The following ARHGAP19 variants were observed in gnomAD, a reference collection of about 807,000 sequenced individuals.
The protein encoded by ARHGAP19 is rho GTPase-activating protein 19.
In ARHGAP19, 48 loss-of-function variants were observed where a neutral mutation model predicts 60.9. The ratio of observed to expected loss-of-function variants is 0.79; its 90% CI spans 0.62 to 1.00. The LOEUF (loss-of-function observed/expected upper bound fraction) is 1.00. Among genes scored for constraint, ARHGAP19 ranks in the 50% least tolerant of loss-of-function variants. The pLI is 0.00. For missense variants in ARHGAP19, 562 were observed against 597.2 expected, an observed-to-expected ratio of 0.94 and a Z score of 0.61; for synonymous variants, 209 against 215.5, an observed-to-expected ratio of 0.97 and a Z score of 0.27.
Position 97,238,476 on chromosome 10 carries a change from C to T in ARHGAP19, c.1186-3161G>A, listed in dbSNP as rs942289586. 5.9e-5 allele frequency among the ~76,000 whole-genome samples: 9 copies of T among 152,202 alleles called. No individual in the cohort carries two copies. The South Asian group carries it at 1.9e-3, about 32-fold the overall frequency. On this transcript the variant is annotated intron_variant, in intron 8 of 11. Coordinates refer to ENST00000358531, the MANE Select transcript of ARHGAP19 (RefSeq NM_032900.6). ...AAAGCAGTCCTCCCACTTTGGCCTC[C>T]CAAAGTGCTGGGATTACAGGAGTGA...
intron 8 of ARHGAP19, among the ~76,000 whole-genome samples, chr10:97,243,298 C>G (rs577047942): frequency 6.6e-6 from 1 of 152,264 alleles, no homozygotes; most frequent in South Asian, 2.1e-4. Context: ...GCTGACCCTG[C>G]CTGCTCAGGT....
intron 9 of ARHGAP19, among the ~76,000 whole-genome samples, chr10:97,230,735 T>C (rs1202307783): frequency 3.3e-5 from 5 of 152,024 alleles, no homozygotes; most frequent in African/African-American, 1.2e-4. Flanking sequence ...GGCTAGATGG[T>C]CAATTATACC....
At chr10:97,279,670 T>A (rs965472269) in intron 1 of ARHGAP19, among the ~76,000 whole-genome samples, 47 of 152,232 alleles carry the variant, frequency 3.1e-4, no homozygotes, top group African/African-American at 1.1e-3. Context: ...TTTTTTTTTA[T>A]TATTTGTAGA....
At chr10:97,227,903 G>C (rs1002036429) in intron 11 of ARHGAP19, among the ~76,000 whole-genome samples, 1 of 152,198 alleles carries the variant, frequency 6.6e-6, no homozygotes, top group Non-Finnish European at 1.5e-5. Context: ...TTCCAAGGTA[G>C]AGCTGTCAAT....
At position 97,265,941 on chromosome 10, in the gene ARHGAP19, C is replaced by T; in HGVS notation, c.241G>A (p.Gly81Arg). 1 of 1,614,138 alleles carries T rather than the reference C, an allele frequency of 6.2e-7. No individual in the cohort carries two copies. The highest frequency in any genetic ancestry group is 8.5e-7 in the Non-Finnish European group (1 of 1,180,034). ...CCAGGCAACTTAAGGTCCACTTCCC[C>T]CATCAGCTGAGCCAACTCAGTTCCA... ...LPGTELAQLMGEVDLKLPGGA... is the reference protein window; with the variant it reads ...LPGTELAQLMREVDLKLPGGA... The change falls in exon 2 of 12, where the codon GGG becomes AGG. Residue 81 changes from glycine (G) to arginine (R), a missense_variant. By Grantham distance (125) the Gly-to-Arg change is moderately radical. Coordinates refer to ENST00000358531, the MANE Select transcript of ARHGAP19 (RefSeq NM_032900.6).
chr10:97,286,980 C>T (rs1429242617), intron 1 of ARHGAP19, among the ~76,000 whole-genome samples: 2 of 152,120 alleles, frequency 1.3e-5, no homozygotes, highest in African/African-American at 4.8e-5. Context: ...CAGGGTCTCA[C>T]TCTATCACCC....
chr10:97,268,483 CT>C (rs1403633062), intron 1 of ARHGAP19, among the ~76,000 whole-genome samples: 1 of 152,138 alleles, frequency 6.6e-6, no homozygotes, highest in Non-Finnish European at 1.5e-5. Context: ...TGTTCTCACG[CT>C]GTTAATAAAG....
At chr10:97,270,683 CAAAG>C (rs1281467435) in intron 1 of ARHGAP19, 1 of 1,542,492 alleles carries the variant, frequency 6.5e-7, no homozygotes, top group Non-Finnish European at 8.7e-7. Context: ...TTTGTTGTGA[CAAAG>C]AAACTCTCCT....
chr10:97,242,324 CTTTTTTTTTTT>C (rs1164708198), intron 8 of ARHGAP19, among the ~76,000 whole-genome samples: 17 of 55,796 alleles, frequency 3.0e-4, no homozygotes, highest in African/African-American at 1.2e-3. Context: ...TATCAGTGTT[CTTTTTTTTTTT>C]TTTTTTTTTT....
chr10:97,279,161 C>T (rs1287997901), intron 1 of ARHGAP19, among the ~76,000 whole-genome samples: 3 of 152,162 alleles, frequency 2.0e-5, no homozygotes, highest in Non-Finnish European at 4.4e-5. Context: ...CAAATTTAAG[C>T]CAGTATCATG....
rs1472289103 is a variant in ARHGAP19 at position 97,224,104 on chromosome 10, A to G, written c.*2018T>C. On this transcript the variant is annotated 3_prime_UTR_variant, in exon 12 of 12. Coordinates refer to ENST00000358531, the MANE Select transcript of ARHGAP19 (RefSeq NM_032900.6). ...ATCTCAGCTACTTCCCTTAAATAGA[A>G]TCAAAAACTAACACGATGACAGGAG... 6.6e-6 allele frequency: 1 copy of G among 152,184 alleles called. No individual in the cohort carries two copies. The highest frequency in any genetic ancestry group is 1.5e-5 in the Non-Finnish European group (1 of 68,032). 9.4% of individuals were successfully genotyped at this position (152,184 alleles called of 1,614,324 possible).
At chr10:97,283,186 G>A (rs1445578833) in intron 1 of ARHGAP19, among the ~76,000 whole-genome samples, 3 of 152,116 alleles carry the variant, frequency 2.0e-5, no homozygotes, top group Non-Finnish European at 2.9e-5. Flanking sequence ...AGTTTATATC[G>A]GGTAACAGTA....
At chr10:97,280,792 C>T (rs1843074287) in intron 1 of ARHGAP19, among the ~76,000 whole-genome samples, 1 of 152,070 alleles carries the variant, frequency 6.6e-6, no homozygotes, top group African/African-American at 2.4e-5. Context: ...ACTATGTTGA[C>T]CACACTAGTC....
At chr10:97,266,851 C>T (rs956264339) in intron 1 of ARHGAP19, among the ~76,000 whole-genome samples, 6 of 152,132 alleles carry the variant, frequency 3.9e-5, no homozygotes, top group African/African-American at 9.7e-5. Context: ...TACCTTCCAC[C>T]GAGTTCCTCT....
intron 9 of ARHGAP19, among the ~76,000 whole-genome samples, chr10:97,232,674 G>A (rs1033865079): frequency 6.6e-6 from 1 of 152,078 alleles, no homozygotes; most frequent in Non-Finnish European, 1.5e-5. Context: ...GGTCAGGATT[G>A]AGAGTGAATT....
intron 4 of ARHGAP19, among the ~76,000 whole-genome samples, chr10:97,259,938 C>T (rs984470074): frequency 2.6e-4 from 39 of 151,846 alleles, no homozygotes; most frequent in Middle Eastern, 3.4e-3. Flanking sequence ...CGGGTTCAAG[C>T]GATTCTCCTG....
At chr10:97,291,601 A>G (rs1316722985) in intron 1 of ARHGAP19, among the ~76,000 whole-genome samples, 1 of 152,152 alleles carries the variant, frequency 6.6e-6, no homozygotes, top group Non-Finnish European at 1.5e-5. Flanking sequence ...GCCCCGTATG[A>G]TATTTTAAAT....
intron 3 of ARHGAP19, 42 bp from the exon 4 acceptor site, chr10:97,263,671 G>A: frequency 1.3e-6 from 2 of 1,560,346 alleles, no homozygotes; most frequent in Non-Finnish European, 8.8e-7. Flanking sequence ...CAAAAAGGAA[G>A]CAGAAAGATT....
intron 5 of ARHGAP19, 107 bp from the exon 6 acceptor site, chr10:97,256,511 G>A: frequency 1.3e-6 from 1 of 789,394 alleles, no homozygotes; most frequent in Non-Finnish European, 2.1e-6. Context: ...CCTAGCCTAG[G>A]TGCCTCTAAT....
Sources: allele counts gnomAD v4.1 joint callset (sites outside exome capture counted in the v4.1 genomes callset), GRCh38; gene constraint gnomAD v4.1.1; transcripts MANE v1.5; gene names NCBI Gene and HGNC (gene_info 2026-07-23, HGNC 2026-07-21).